Variants in TEX101 observed in about 807,000 individuals in gnomAD.
TEX101 encodes testis expressed 101.
In TEX101, 10 loss-of-function variants were observed where a neutral mutation model predicts 18.1. The observed-to-expected ratio is 0.55, with a 90% confidence interval of 0.34 to 0.94. The LOEUF (loss-of-function observed/expected upper bound fraction) is 0.94. TEX101 is among the 40% of genes least tolerant of loss of function. The pLI, the probability that TEX101 is intolerant of heterozygous loss-of-function variation, is 0.02. For synonymous variants in TEX101, 94 were observed against 114.8 expected, an observed-to-expected ratio of 0.82 and a Z score of 1.16; for missense variants, 259 against 298.9, an observed-to-expected ratio of 0.87 and a Z score of 0.98.
chr19:43,415,636 AC>A (rs974508078), intron 1 of TEX101, among the ~76,000 whole-genome samples: 1 of 151,756 alleles, frequency 6.6e-6, no homozygotes, highest in Non-Finnish European at 1.5e-5. Context: ...GGTGGCGGGC[AC>A]CTGTAATCCC....
the TEX101 span, among the ~76,000 whole-genome samples, chr19:43,390,529 G>A: frequency 4.6e-3 from 552 of 119,810 alleles, 4 homozygotes; most frequent in South Asian, 0.026. Context: ...ATGCAATGGC[G>A]TGATCTCGGC....
At chr19:43,399,940 G>A (rs1171879372), upstream of TEX101, among the ~76,000 whole-genome samples, 1 of 151,594 alleles carries the variant, frequency 6.6e-6, no homozygotes, top group Non-Finnish European at 1.5e-5. Flanking sequence ...TCAGCCTCCT[G>A]AGTAGCTGGG....
chr19:43,391,099 C>T, the TEX101 span, among the ~76,000 whole-genome samples: 75 of 152,316 alleles, frequency 4.9e-4, no homozygotes, highest in South Asian at 2.3e-3. Flanking sequence ...ATGGCTGAAT[C>T]CCATTCATTT....
At chr19:43,392,568 A>AGAG in the TEX101 span, among the ~76,000 whole-genome samples, 1 of 152,070 alleles carries the variant, frequency 6.6e-6, no homozygotes, top group Non-Finnish European at 1.5e-5. Flanking sequence ...AGAGCACCCA[A>AGAG]GAGGAGGAGG....
chr19:43,395,281 T>G, the TEX101 span, among the ~76,000 whole-genome samples: 1 of 152,170 alleles, frequency 6.6e-6, no homozygotes, highest in Non-Finnish European at 1.5e-5. Context: ...TTTAGGTAGA[T>G]AAGGGGAGGG....
Position 43,418,293 on chromosome 19 carries a change from C to G in TEX101, c.646C>G (p.Gln216Glu). 6.2e-7 allele frequency: 1 copy of G among 1,614,216 alleles called. No individual in the cohort carries two copies. Among genetic ancestry groups the G allele is most frequent in the South Asian group, 1.1e-5 (1 of 91,082 alleles). Residue 216 changes from glutamine (Q) to glutamate (E), a missense_variant, in exon 6 of 6, where the codon CAA (glutamine) becomes GAA (glutamate). Physicochemically the swap from Gln to Glu is conservative, Grantham distance 29. Coordinates refer to ENST00000598265, the MANE Select transcript of TEX101 (RefSeq NM_001130011.3). Reference sequence around the variant, plus strand: ...AGCGTGCCCACATCAGCTGCTCACTCAACCTCGAAAGACTGAAAATGGGGC... The same window carrying G: ...AGCGTGCCCACATCAGCTGCTCACTGAACCTCGAAAGACTGAAAATGGGGC... ...REACPHQLLT[Q>E]PRKTENGATC...
At chr19:43,395,305 G>A in the TEX101 span, among the ~76,000 whole-genome samples, 7 of 152,252 alleles carry the variant, frequency 4.6e-5, no homozygotes, top group Admixed American at 1.3e-4. Context: ...ACCTCTTCCC[G>A]TATCTGTTGA....
the TEX101 span, among the ~76,000 whole-genome samples, chr19:43,389,204 A>G: frequency 4.6e-5 from 7 of 152,360 alleles, no homozygotes; most frequent in South Asian, 1.2e-3. Context: ...AAATGCCACC[A>G]GTACACATGG....
the TEX101 span, among the ~76,000 whole-genome samples, chr19:43,389,809 G>C: frequency 6.6e-6 from 1 of 152,086 alleles, no homozygotes; most frequent in African/African-American, 2.4e-5. Context: ...TCCCTTCCAT[G>C]TCCTACATCT....
upstream of TEX101, among the ~76,000 whole-genome samples, chr19:43,396,670 A>G (rs918080111): frequency 3.3e-5 from 5 of 152,102 alleles, no homozygotes; most frequent in African/African-American, 1.2e-4. Context: ...GTGCTGAGAG[A>G]GCAGGTTAAG....
At chr19:43,412,659 G>A (rs1240969704), upstream of TEX101, among the ~76,000 whole-genome samples, 1 of 152,134 alleles carries the variant, frequency 6.6e-6, no homozygotes, top group Non-Finnish European at 1.5e-5. Context: ...GACGGGGGCT[G>A]AAAACTGGCA....
In TEX101 at chr19:43,416,385, C is replaced by A. The variant is rs781393435; in HGVS notation, c.221C>A (p.Ala74Asp). ...TGTCTCATAACAGGGACTGAGACAG[C>A]CATTTTGGCCACGAAGGGCTGCATC... The part of the protein sequence containing the change: ...ILIIKAGTET[A>D]ILATKGCIPE... Residue 74 changes from alanine (A) to aspartate (D), a missense_variant, in exon 4 of 6, where the codon GCC becomes GAC. By Grantham distance (126) the Ala-to-Asp change is moderately radical. Coordinates refer to ENST00000598265, the MANE Select transcript of TEX101 (RefSeq NM_001130011.3). The A allele has an allele frequency of 6.2e-7, 1 of 1,613,432 alleles. No individual in the cohort carries two copies. The highest frequency in any genetic ancestry group is 1.7e-5 in the Admixed American group (1 of 59,964).
In TEX101 at chr19:43,416,210, T is replaced by C. The variant is rs1292328482; in HGVS notation, c.176T>C (p.Leu59Pro). 1.9e-6 allele frequency: 3 copies of C among 1,611,828 alleles called. No individual in the cohort carries two copies. The highest frequency in any genetic ancestry group is 2.5e-6 in the Non-Finnish European group (3 of 1,179,260). The change falls in exon 3 of 6, where the codon CTT (leucine) becomes CCT (proline). Residue 59 changes from leucine (L) to proline (P), a missense_variant. By Grantham distance (98) the Leu-to-Pro change is moderately conservative. Transcript: ENST00000598265. Reference sequence around the variant, plus strand: ...GTGGAGACTTGTGACAAAGGGGCACTTTGCCAGGAAACCATACTAATAATT... The same window carrying C: ...GTGGAGACTTGTGACAAAGGGGCACCTTGCCAGGAAACCATACTAATAATT... ...EEVETCDKGA[L>P]CQETILIIKA...
chr19:43,389,140 G>C, the TEX101 span, among the ~76,000 whole-genome samples: 1 of 152,158 alleles, frequency 6.6e-6, no homozygotes, highest in African/African-American at 2.4e-5. Context: ...ACTTCCCGCC[G>C]GGAACTCTCC....
At chr19:43,412,790 T>TACTC (rs1422519082), upstream of TEX101, among the ~76,000 whole-genome samples, 1 of 152,172 alleles carries the variant, frequency 6.6e-6, no homozygotes, top group Non-Finnish European at 1.5e-5. Context: ...TAAAAATAAA[T>TACTC]ACTCATTTAT....
chr19:43,410,361 A>G (rs1970407697), upstream of TEX101, among the ~76,000 whole-genome samples: 1 of 152,152 alleles, frequency 6.6e-6, no homozygotes, highest in Non-Finnish European at 1.5e-5. Flanking sequence ...GACCAGTGTG[A>G]GCAAAGCCAA....
intron 3 of TEX101, among the ~76,000 whole-genome samples, chr19:43,407,207 G>T (rs1185047329): frequency 6.6e-6 from 1 of 152,174 alleles, no homozygotes; most frequent in Admixed American, 6.5e-5. Flanking sequence ...AGCTGGGGCT[G>T]GGGCTGTGGC....
intron 3 of TEX101, among the ~76,000 whole-genome samples, chr19:43,408,262 G>A (rs1312960935): frequency 6.6e-6 from 1 of 152,206 alleles, no homozygotes; most frequent in Non-Finnish European, 1.5e-5. Flanking sequence ...CGTCCTGTTT[G>A]GGAGCCAGGT....
At chr19:43,405,549 CAAAAAAAAAAAA>C (rs1163062557) in intron 2 of TEX101, among the ~76,000 whole-genome samples, 2 of 38,502 alleles carry the variant, frequency 5.2e-5, no homozygotes, top group South Asian at 1.7e-3. Context: ...AACTCTGTCT[CAAAAAAAAAAAA>C]AAAAAAAAAA....
Sources: gnomAD v4.1 joint callset for allele counts (sites outside exome capture counted in the v4.1 genomes callset) on GRCh38, gnomAD v4.1.1 for gene constraint, MANE v1.5 for transcripts, NCBI Gene and HGNC (gene_info 2026-07-23, HGNC 2026-07-21) for gene names.